DISP1: variants seen among roughly 807,000 people sequenced by gnomAD.
The protein encoded by DISP1 is dispatched RND transporter family member 1, also known as protein dispatched homolog 1.
In DISP1, 30 loss-of-function variants were observed where a neutral mutation model predicts 37.3. The observed-to-expected ratio is 0.80, with a 90% confidence interval of 0.60 to 1.09. The LOEUF (loss-of-function observed/expected upper bound fraction) is 1.09, where lower values mean the gene tolerates loss of function less well. Ranked by LOEUF, DISP1 falls within the 50% of genes least tolerant of loss-of-function variation. DISP1 has a pLI of 0.00. For synonymous variants in DISP1, 634 were observed against 690.2 expected, an observed-to-expected ratio of 0.92 and a Z score of 1.28; for missense variants, 1,598 against 1,879.5, an observed-to-expected ratio of 0.85 and a Z score of 2.77.
At chr1:222,817,860 G>A (rs1661643334) in intron 1 of DISP1, among the ~76,000 whole-genome samples, 1 of 152,152 alleles carries the variant, frequency 6.6e-6, no homozygotes, top group African/African-American at 2.4e-5. Context: ...CAGCCTATAG[G>A]CATGTAGTTA....
At chr1:222,960,067 T>A (rs773909045) in intron 3 of DISP1, among the ~76,000 whole-genome samples, 1 of 152,152 alleles carries the variant, frequency 6.6e-6, no homozygotes, top group Non-Finnish European at 1.5e-5. Context: ...ATTAGATCAA[T>A]GAGATAGAAA....
At chr1:222,879,586 A>C (rs933606931) in intron 1 of DISP1, among the ~76,000 whole-genome samples, 1 of 152,190 alleles carries the variant, frequency 6.6e-6, no homozygotes, top group Non-Finnish European at 1.5e-5. Flanking sequence ...AATATCTTTT[A>C]ATCTTTGTCA....
rs1163812623 is a variant in DISP1 at position 223,003,504 on chromosome 1, C to G, written c.2107C>G (p.Arg703Gly). ...KVLFAISEAS[R>G]IFFEKVLPCI... is the part of the protein sequence containing the mutation. The stretch of plus-strand genomic sequence containing the variant: ...ACTCTTTGCCATTTCAGAAGCATCT[C>G]GAATTTTTTTCGAAAAAGTATTGCC... The change falls in exon 9 of 9, where the codon CGA becomes GGA. Residue 703 changes from arginine (R) to glycine (G), a missense_variant. By Grantham distance (125) the Arg-to-Gly change is moderately radical. Transcript: ENST00000675850. This position sits in a 1 kb window ranked among gnomAD's most constrained non-coding sequence, Gnocchi z 4.3. 1 of 1,614,160 alleles carries G rather than the reference C, an allele frequency of 6.2e-7. No homozygotes were observed. Among genetic ancestry groups the G allele is most frequent in the Admixed American group, 1.7e-5 (1 of 60,016 alleles).
chr1:222,916,199 T>G (rs2125432003), intron 1 of DISP1, among the ~76,000 whole-genome samples: 1 of 152,354 alleles, frequency 6.6e-6, no homozygotes, highest in African/African-American at 2.4e-5. Context: ...TAGCCCCAGT[T>G]ACAGCATTCT....
rs903104061 is a variant in DISP1 at position 222,963,759 on chromosome 1, TGTTGGGGG to T, written c.510-19312_510-19305del. ...GGGGGGAACAACACACACCAGGGCC[TGTTGGGGG>T]GTTGGGGGTGAGAGAAGGGAACTTA... On this transcript the variant is annotated intron_variant, in intron 3 of 8. Coordinates refer to ENST00000675850, the MANE Select transcript of DISP1 (RefSeq NM_001377229.1). 1.2e-4 allele frequency among the ~76,000 whole-genome samples: 18 copies of T among 149,934 alleles called. 1 individual carries two copies. The highest frequency in any genetic ancestry group is 1.6e-4 in the Non-Finnish European group (11 of 67,584).
chr1:222,955,367 G>T (rs376911644), intron 3 of DISP1, among the ~76,000 whole-genome samples: 98 of 152,292 alleles, frequency 6.4e-4, no homozygotes, highest in African/African-American at 2.1e-3. Context: ...TTACAGGTGT[G>T]AGCCACAGCA....
intron 3 of DISP1, among the ~76,000 whole-genome samples, chr1:222,981,054 G>A (rs990748202): frequency 1.3e-5 from 2 of 152,218 alleles, no homozygotes; most frequent in Non-Finnish European, 2.9e-5. Flanking sequence ...CTCCAGCCTG[G>A]GCAACAAAGC....
chr1:222,849,595 A>C (rs971006580), intron 1 of DISP1, among the ~76,000 whole-genome samples: 1 of 152,174 alleles, frequency 6.6e-6, no homozygotes, highest in Non-Finnish European at 1.5e-5. Flanking sequence ...ACAAACATGT[A>C]CCTTAGCAGG....
intron 1 of DISP1, among the ~76,000 whole-genome samples, chr1:222,911,549 G>T (rs1162776096): frequency 6.6e-6 from 1 of 151,680 alleles, no homozygotes; most frequent in Non-Finnish European, 1.5e-5. Context: ...CTTTTGTCCA[G>T]GCTGGATTGC....
chr1:222,922,283 T>C lies in DISP1; in HGVS notation c.-158-6147T>C, dbSNP rs572412205. 6.6e-5 allele frequency among the ~76,000 whole-genome samples: 10 copies of C among 152,228 alleles called. No individual in the cohort carries two copies. The South Asian group carries it at 2.1e-3, about 32-fold the overall frequency. On this transcript the variant is annotated intron_variant, in intron 1 of 8. Transcript: ENST00000675850. ...GCAGCTTGATCAGATCTATCTCTTA[T>C]ATGATGTATCGAGAAGCTCTATGTT... is the stretch of plus-strand genomic sequence containing the variant.
chr1:222,931,674 C>T (rs992280460), intron 2 of DISP1, among the ~76,000 whole-genome samples: 7 of 115,528 alleles, frequency 6.1e-5, no homozygotes, highest in African/African-American at 2.4e-4. Context: ...GCTTAAAATG[C>T]CACCAGGAAT....
intron 3 of DISP1, among the ~76,000 whole-genome samples, chr1:222,974,766 G>T (rs1031227755): frequency 1.3e-5 from 2 of 152,154 alleles, no homozygotes; most frequent in East Asian, 3.8e-4. Context: ...TGTCTGCAGG[G>T]TATCTGTTTC....
At chr1:222,980,775 A>G (rs186897991) in intron 3 of DISP1, among the ~76,000 whole-genome samples, 1 of 152,160 alleles carries the variant, frequency 6.6e-6, no homozygotes, top group Non-Finnish European at 1.5e-5. Flanking sequence ...ATTCAGGCTC[A>G]CCTTTTTTCT....
intron 2 of DISP1, among the ~76,000 whole-genome samples, chr1:222,936,640 GAGA>G (rs1198789749): frequency 4.0e-5 from 4 of 100,712 alleles, no homozygotes; most frequent in Non-Finnish European, 7.3e-5. Context: ...TCATATATAT[GAGA>G]TATATATATC....
chr1:222,942,724 C>T, intron 2 of DISP1, 83 bp from the exon 3 acceptor site: 2 of 1,501,864 alleles, frequency 1.3e-6, no homozygotes, highest in Non-Finnish European at 1.8e-6. Context: ...TTTCAATGAG[C>T]TGTTTTTAAA....
In DISP1 at chr1:223,005,839, A is replaced by G. The variant is rs1321858480; in HGVS notation, c.4442A>G (p.Gln1481Arg). The part of the protein sequence containing the change: ...AGCRSCPNNS[Q>R]SCGRIVRVKC... ...TGTAGGTCTTGCCCAAATAATTCAC[A>G]AAGTTGTGGCAGAATTGTGAGAGTG... The change falls in exon 9 of 9, where the codon CAA becomes CGA. Residue 1481 changes from glutamine to arginine, a missense_variant. By Grantham distance (43) the Gln-to-Arg change is conservative. Coordinates refer to ENST00000675850, the MANE Select transcript of DISP1 (RefSeq NM_001377229.1). The G allele has an allele frequency of 6.2e-7, 1 of 1,614,218 alleles. No homozygotes were observed. Among genetic ancestry groups the G allele is most frequent in the South Asian group, 1.1e-5 (1 of 91,078 alleles).
intron 1 of DISP1, among the ~76,000 whole-genome samples, chr1:222,888,012 T>C (rs1159866992): frequency 6.6e-6 from 1 of 152,200 alleles, no homozygotes; most frequent in Non-Finnish European, 1.5e-5. Flanking sequence ...TTCAGATCCC[T>C]GAAATGTTGA....
intron 1 of DISP1, among the ~76,000 whole-genome samples, chr1:222,915,811 C>G (rs900263595): frequency 6.6e-6 from 1 of 152,204 alleles, no homozygotes; most frequent in Admixed American, 6.5e-5. Flanking sequence ...TAACTCAGAA[C>G]TCTGATACCA....
intron 3 of DISP1, among the ~76,000 whole-genome samples, chr1:222,960,301 C>T (rs1420127367): frequency 2.0e-5 from 3 of 152,102 alleles, no homozygotes; most frequent in Non-Finnish European, 4.4e-5. Flanking sequence ...CAAATTAGAA[C>T]TCAGGATTAA....
Sources: allele counts gnomAD v4.1 joint callset (sites outside exome capture counted in the v4.1 genomes callset), GRCh38; gene constraint gnomAD v4.1.1; non-coding constraint Gnocchi (gnomAD v3.1); transcripts MANE v1.5; gene names NCBI Gene and HGNC (gene_info 2026-07-23, HGNC 2026-07-21).